SGCZ: variants seen among roughly 807,000 people sequenced by gnomAD.
SGCZ encodes the protein sarcoglycan zeta.
A neutral mutation model predicts 41.3 loss-of-function variants in SGCZ; 40 were observed. That is an observed-to-expected ratio of 0.97 (90% confidence interval 0.75 to 1.26). The LOEUF (loss-of-function observed/expected upper bound fraction) is 1.26, where lower values mean the gene tolerates loss of function less well. Ranked by LOEUF, SGCZ falls within the 50% of genes most tolerant of loss-of-function variation. The pLI, the probability that SGCZ is intolerant of heterozygous loss-of-function variation, is 0.00. For synonymous variants in SGCZ, 206 were observed against 137.5 expected (o/e 1.50, Z -3.49); for missense variants, 552 against 369.8 (o/e 1.49, Z -4.04).
intron 1 of SGCZ, among the ~76,000 whole-genome samples, chr8:14,661,922 C>T (rs931026337): frequency 4.6e-5 from 7 of 151,660 alleles, no homozygotes; most frequent in African/African-American, 1.7e-4. Flanking sequence ...ATTGTTTTAA[C>T]AATGTTAAAT....
At chr8:15,062,643 G>T (rs1052655483) in intron 1 of SGCZ, among the ~76,000 whole-genome samples, 4 of 152,100 alleles carry the variant, frequency 2.6e-5, no homozygotes, top group African/African-American at 4.8e-5. Flanking sequence ...TAGAACATTT[G>T]CAACCTAACA....
In SGCZ at chr8:15,093,562, A is replaced by T. The variant is rs541745829; in HGVS notation, c.39+144023T>A. Among the ~76,000 whole-genome samples the T allele has an allele frequency of 1.6e-4, 24 of 152,314 alleles. 1 individual carries two copies. In the East Asian group the frequency reaches 4.4e-3, roughly 28 times the overall value. On this transcript the variant is annotated intron_variant, in intron 1 of 7. Coordinates refer to ENST00000382080, the MANE Select transcript of SGCZ (RefSeq NM_139167.4). ...GAAATAAGATTTATTCAGGAAAAAC[A>T]AAGTCATGTAGTGTAAACTGTGGTA...
intron 1 of SGCZ, among the ~76,000 whole-genome samples, chr8:14,685,840 T>C (rs1285519452): frequency 4.6e-5 from 7 of 152,144 alleles, no homozygotes; most frequent in Admixed American, 4.6e-4. Flanking sequence ...TAAATGTTCA[T>C]TAAACAATGA....
chr8:15,171,449 T>C (rs968755539), intron 1 of SGCZ, among the ~76,000 whole-genome samples: 2 of 152,200 alleles, frequency 1.3e-5, no homozygotes, highest in Non-Finnish European at 2.9e-5. Context: ...TGTTGCTCCC[T>C]GTGCAATGAT....
chr8:15,112,078 CTT>C (rs1278476861), intron 1 of SGCZ, among the ~76,000 whole-genome samples: 1 of 152,160 alleles, frequency 6.6e-6, no homozygotes, highest in African/African-American at 2.4e-5. Flanking sequence ...CTTTTTCTCT[CTT>C]TTGTGAGATT....
chr8:14,375,105 G>GATAC lies in SGCZ; in HGVS notation c.235-50902_235-50901insGTAT, dbSNP rs1287231554. The stretch of plus-strand genomic sequence containing the variant: ...GCCAGAAAAGGGGGACAATCAGATA[G>GATAC]ATAGATAGACAGACAGACAGACAGA... On this transcript the variant is annotated intron_variant, in intron 2 of 7. Coordinates refer to ENST00000382080, the MANE Select transcript of SGCZ (RefSeq NM_139167.4). Among the ~76,000 whole-genome samples, 57 of 146,410 alleles carry GATAC rather than the reference G, an allele frequency of 3.9e-4. 1 individual carries two copies. The South Asian group carries it at 5.5e-3, about 14-fold the overall frequency.
chr8:15,188,642 C>G (rs549606489), intron 1 of SGCZ, among the ~76,000 whole-genome samples: 104 of 152,222 alleles, frequency 6.8e-4, no homozygotes, highest in African/African-American at 2.3e-3. Flanking sequence ...GGATAAGGAT[C>G]ATTTGTACTT....
intron 1 of SGCZ, among the ~76,000 whole-genome samples, chr8:14,825,850 G>T (rs981108905): frequency 2.0e-5 from 3 of 152,076 alleles, no homozygotes; most frequent in African/African-American, 7.2e-5. Flanking sequence ...ATATTCTTCA[G>T]ACTCATCTGT....
At chr8:14,291,584 T>A (rs1304042164) in intron 3 of SGCZ, among the ~76,000 whole-genome samples, 1 of 152,030 alleles carries the variant, frequency 6.6e-6, no homozygotes. Context: ...TTTTCACCAT[T>A]CTGGGTACTA....
chr8:14,240,121 G>C (rs1178186208), intron 3 of SGCZ, among the ~76,000 whole-genome samples: 1 of 151,686 alleles, frequency 6.6e-6, no homozygotes, highest in African/African-American at 2.4e-5. Context: ...GAGGCCAGGA[G>C]TTTGAAACCA....
chr8:14,803,507 C>T (rs1041704631), intron 1 of SGCZ, among the ~76,000 whole-genome samples: 31 of 152,062 alleles, frequency 2.0e-4, no homozygotes, highest in African/African-American at 5.3e-4. Flanking sequence ...ACCCGAATAC[C>T]GCGCTTTTCC....
chr8:14,283,691 A>G (rs931176947), intron 3 of SGCZ, among the ~76,000 whole-genome samples: 9 of 152,170 alleles, frequency 5.9e-5, no homozygotes, highest in African/African-American at 1.4e-4. Flanking sequence ...ATCGAACATG[A>G]GTCAGCAAGC....
At chr8:15,165,181 T>C (rs896068635) in intron 1 of SGCZ, among the ~76,000 whole-genome samples, 1 of 151,940 alleles carries the variant, frequency 6.6e-6, no homozygotes, top group African/African-American at 2.4e-5. Context: ...TCCCAGCTAC[T>C]CAGGAGGCTG....
At chr8:14,839,614 A>T (rs1802829628) in intron 1 of SGCZ, among the ~76,000 whole-genome samples, 1 of 152,062 alleles carries the variant, frequency 6.6e-6, no homozygotes, top group African/African-American at 2.4e-5. Flanking sequence ...CAATGTTCTA[A>T]TGAAAGTCTT....
At chr8:14,774,237 T>A (rs1183160689) in intron 1 of SGCZ, among the ~76,000 whole-genome samples, 1 of 152,200 alleles carries the variant, frequency 6.6e-6, no homozygotes, top group Non-Finnish European at 1.5e-5. Flanking sequence ...AGACATGAAC[T>A]GCTATATTGT....
At chr8:14,775,466 T>TGTGTGA in intron 1 of SGCZ, among the ~76,000 whole-genome samples, 1 of 108,258 alleles carries the variant, frequency 9.2e-6, no homozygotes, top group African/African-American at 3.1e-5. Context: ...TTTGAGTGTG[T>TGTGTGA]GTGTGTGTGT....
chr8:14,237,035 T>G (rs1806788104), intron 4 of SGCZ, among the ~76,000 whole-genome samples: 1 of 152,112 alleles, frequency 6.6e-6, no homozygotes, highest in African/African-American at 2.4e-5. Context: ...ATTTCTAATT[T>G]ATATAAGCAG....
At chr8:14,364,126 T>C (rs902379050) in intron 2 of SGCZ, among the ~76,000 whole-genome samples, 11 of 152,342 alleles carry the variant, frequency 7.2e-5, no homozygotes, top group Admixed American at 6.5e-4. Flanking sequence ...TTATTTTGTG[T>C]ATAAAATGTG....
Position 14,092,650 on chromosome 8 carries a change from T to C in SGCZ, c.745-2013A>G, listed in dbSNP as rs368812068. Among the ~76,000 whole-genome samples the C allele has an allele frequency of 6.6e-5, 10 of 152,086 alleles. No individual in the cohort carries two copies. In the East Asian group the frequency reaches 2.0e-3, roughly 30 times the overall value. Reference sequence around the variant, plus strand: ...CAAGTCTGACAAGATCTGATGGTTTTATAAGGGGGAAACCCCTTTCACTTG... The same window carrying C: ...CAAGTCTGACAAGATCTGATGGTTTCATAAGGGGGAAACCCCTTTCACTTG... On this transcript the variant is annotated intron_variant, in intron 7 of 7. Transcript: ENST00000382080.
Sources: allele counts gnomAD v4.1 joint callset (sites outside exome capture counted in the v4.1 genomes callset), GRCh38; gene constraint gnomAD v4.1.1; transcripts MANE v1.5; gene names NCBI Gene and HGNC (gene_info 2026-07-23, HGNC 2026-07-21).